MN1: variants seen among roughly 807,000 people sequenced by gnomAD.
MN1 encodes the protein transcriptional activator MN1.
Under a neutral mutation model 86.9 loss-of-function variants are expected in MN1, and 19 were observed. The ratio of observed to expected loss-of-function variants is 0.22; its 90% CI spans 0.15 to 0.32. The LOEUF is 0.32. Ranked by LOEUF, MN1 falls within the 10% of genes least tolerant of loss-of-function variation. The pLI, the probability that MN1 is intolerant of heterozygous loss-of-function variation, is 1.00. For synonymous variants in MN1, 928 were observed against 849.6 expected, an observed-to-expected ratio of 1.09 and a Z score of -1.60; for missense variants, 1,841 against 1,862.0, an observed-to-expected ratio of 0.99 and a Z score of 0.21.
At chr22:27,774,390 C>T (rs1243689202) in intron 1 of MN1, among the ~76,000 whole-genome samples, 1 of 152,162 alleles carries the variant, frequency 6.6e-6, no homozygotes, top group Non-Finnish European at 1.5e-5. Context: ...GCATTTCCTC[C>T]CCACCAGAGG....
At position 27,799,378 on chromosome 22, in the gene MN1, G is replaced by T; in HGVS notation, c.1166C>A (p.Pro389His). Residue 389 changes from proline to histidine, a missense_variant, in exon 1 of 2, where the codon CCC (proline) becomes CAC (histidine). Transcript: ENST00000302326. ...PRPQQGEAGTPSGGLQDGGPM... is the reference protein window; with the variant it reads ...PRPQQGEAGTHSGGLQDGGPM... ...GCCTCCGTCCTGCAGGCCGCCGCTG[G>T]GCGTGCCCGCCTCGCCCTGCTGGGG... The T allele has an allele frequency of 6.5e-7, 1 of 1,543,266 alleles. No individual in the cohort carries two copies.
At chr22:27,769,622 G>A (rs1037001286) in intron 1 of MN1, among the ~76,000 whole-genome samples, 2 of 138,146 alleles carry the variant, frequency 1.4e-5, no homozygotes, top group Non-Finnish European at 3.0e-5. Context: ...GCGCAATCTC[G>A]GCTCGCTGCA....
Position 27,799,251 on chromosome 22 carries a change from A to C in MN1, c.1293T>G (p.His431Gln), listed in dbSNP as rs762023186. Residue 431 changes from histidine (H) to glutamine (Q), a missense_variant, in exon 1 of 2, where the codon CAT becomes CAG. Transcript: ENST00000302326. ...GGTTGGGCGCCTGCTGCGGAGGAGG[A>C]TGCTGCATGCTGAAAACAGGCTCGG... Reference protein sequence around the residue: ...PYSEPVFSMQHPPPQQAPNQR... With the variant: ...PYSEPVFSMQQPPPQQAPNQR... 1.3e-6 allele frequency: 2 copies of C among 1,584,016 alleles called. No homozygotes were observed. Among genetic ancestry groups the C allele is most frequent in the Non-Finnish European group, 8.6e-7 (1 of 1,163,304 alleles).
At chr22:27,751,452 G>A (rs1601319834) in intron 1 of MN1, among the ~76,000 whole-genome samples, 2 of 152,254 alleles carry the variant, frequency 1.3e-5, no homozygotes, top group African/African-American at 4.8e-5. Context: ...TGGAGGAGGG[G>A]CATCTAAACT....
rs45589338 is a variant in MN1, at chr22:27,799,398, C to G, written c.1146G>C (p.Gln382His). The G allele has an allele frequency of 2.6e-6, 4 of 1,516,200 alleles. No homozygotes were observed. In the South Asian group the frequency reaches 5.1e-5, roughly 20 times the overall value. The allele number at this position is 1,516,200 out of a possible 1,614,324, so 93.9% of individuals were successfully genotyped here. A position where few individuals can be genotyped will look rare whatever the true frequency, so the allele number is the denominator to read the frequency against. Reference protein sequence around the residue: ...NSCPPALPRPQQGEAGTPSGG... With the variant: ...NSCPPALPRPHQGEAGTPSGG... ...CGCTGGGCGTGCCCGCCTCGCCCTG[C>G]TGGGGCCGAGGGAGCGCAGGCGGGC... The change falls in exon 1 of 2, where the codon CAG becomes CAC. Residue 382 changes from glutamine (Q) to histidine (H), a missense_variant. Transcript: ENST00000302326.
Position 27,799,465 on chromosome 22 carries a change from T to G in MN1, c.1079A>C (p.Gln360Pro), listed in dbSNP as rs1265754402. Residue 360 changes from glutamine (Q) to proline (P), a missense_variant, in exon 1 of 2, where the codon CAG becomes CCG. Physicochemically the swap from Gln to Pro is moderately conservative, Grantham distance 76. Transcript: ENST00000302326. Reference protein sequence around the residue: ...QQPPQQPPQQQPPPPPGLLVR... With the variant: ...QQPPQQPPQQPPPPPPGLLVR... ...TAGAAGCCCGGGTGGCGGCGGCGGC[T>G]GCTGCTGTGGCGGCTGCTGCGGGGG... The G allele has an allele frequency of 1.4e-6, 2 of 1,455,020 alleles. No individual in the cohort carries two copies. The highest frequency in any genetic ancestry group is 2.8e-5 in the Admixed American group (1 of 35,144). The allele number at this position is 1,455,020 out of a possible 1,614,324, so 90.1% of individuals were successfully genotyped here. A position where few individuals can be genotyped will look rare whatever the true frequency, so the allele number is the denominator to read the frequency against.
chr22:27,790,296 T>C (rs1933192863), intron 1 of MN1, among the ~76,000 whole-genome samples: 1 of 152,228 alleles, frequency 6.6e-6, no homozygotes, highest in African/African-American at 2.4e-5. Context: ...AAGCGCACAC[T>C]TGGCAGGGTA....
chr22:27,752,453 A>C (rs1932774266), intron 1 of MN1, among the ~76,000 whole-genome samples: 1 of 151,766 alleles, frequency 6.6e-6, no homozygotes, highest in African/African-American at 2.4e-5. Flanking sequence ...CCTTAGTGAA[A>C]CTCCCCTGAA....
intron 1 of MN1, among the ~76,000 whole-genome samples, chr22:27,762,740 C>T (rs1932842810): frequency 6.6e-6 from 1 of 151,926 alleles, no homozygotes. Flanking sequence ...ACTCCTAGCA[C>T]TCTGCCTGGC....
chr22:27,775,355 T>A (rs972699608), intron 1 of MN1, among the ~76,000 whole-genome samples: 3 of 152,120 alleles, frequency 2.0e-5, no homozygotes, highest in Non-Finnish European at 4.4e-5. Context: ...GGGTTCTTGG[T>A]ACGCAGGAAT....
At chr22:27,772,077 G>C (rs1249579079) in intron 1 of MN1, among the ~76,000 whole-genome samples, 1 of 152,196 alleles carries the variant, frequency 6.6e-6, no homozygotes, top group African/African-American at 2.4e-5. Flanking sequence ...GGACGAAAGG[G>C]GCTGTTATGT....
In MN1 at chr22:27,798,100, G is replaced by C; in HGVS notation, c.2444C>G (p.Ser815Cys). The stretch of plus-strand genomic sequence containing the variant: ...GCTCTGGCCGAACAGGTTGTCCTTG[G>C]AGCTGGGCTTGTTGAAGGAGCCCAG... The part of the protein sequence containing the change: ...LSLGSFNKPS[S>C]KDNLFGQSCL... The change falls in exon 1 of 2, where the codon TCC (serine) becomes TGC (cysteine). Residue 815 changes from serine to cysteine, a missense_variant. Physicochemically the swap from Ser to Cys is moderately radical, Grantham distance 112. Coordinates refer to ENST00000302326, the MANE Select transcript of MN1 (RefSeq NM_002430.3). 6.2e-7 allele frequency: 1 copy of C among 1,611,104 alleles called. No homozygotes were observed. Among genetic ancestry groups the C allele is most frequent in the Non-Finnish European group, 8.5e-7 (1 of 1,179,782 alleles).
At position 27,799,737 on chromosome 22, in the gene MN1, A is replaced by G. The variant is rs916947571; in HGVS notation, c.807T>C (p.Ala269=). Residue 269 remains alanine, a synonymous_variant, in exon 1 of 2, where the codon GCT becomes GCC. Coordinates refer to ENST00000302326, the MANE Select transcript of MN1 (RefSeq NM_002430.3). ...YAAGRQVPGG[A]FPGASAMPRA... is the part of the protein sequence containing the mutation. ...TGGGCATGGCCGAGGCGCCCGGGAA[A>G]GCGCCCCCAGGAACCTGGCGACCCG... The G allele has an allele frequency of 1.3e-5, 21 of 1,581,408 alleles. No individual in the cohort carries two copies. The highest frequency in any genetic ancestry group is 1.8e-5 in the Admixed American group (1 of 55,584).
chr22:27,797,799 G>C lies in MN1; in HGVS notation c.2745C>G (p.Gly915=), dbSNP rs1030263476. Residue 915 remains glycine, a synonymous_variant, in exon 1 of 2, where the codon GGC becomes GGG. Coordinates refer to ENST00000302326, the MANE Select transcript of MN1 (RefSeq NM_002430.3). ...GPPNPPAQGD[G]TSLSPNYTLE... ...GGGTGTAGTTGGGGGAGAGGCTGGT[G>C]CCGTCCCCCTGGGCTGGAGGGTTGG... 1 of 1,597,188 alleles carries C rather than the reference G, an allele frequency of 6.3e-7. No homozygotes were observed. The highest frequency in any genetic ancestry group is 1.3e-5 in the African/African-American group (1 of 74,828).
At chr22:27,769,850 G>A (rs1011119305) in intron 1 of MN1, among the ~76,000 whole-genome samples, 4 of 139,138 alleles carry the variant, frequency 2.9e-5, no homozygotes, top group African/African-American at 5.1e-5. Flanking sequence ...AACTGTGCCC[G>A]GCAAGGATGC....
intron 1 of MN1, among the ~76,000 whole-genome samples, chr22:27,765,115 A>G (rs1932859605): frequency 6.6e-6 from 1 of 152,140 alleles, no homozygotes; most frequent in African/African-American, 2.4e-5. Context: ...AACCTAAAAT[A>G]TTTGCTATAG....
In MN1 at chr22:27,796,813, G is replaced by A. The variant is rs1160944052; in HGVS notation, c.3731C>T (p.Thr1244Met). The A allele has an allele frequency of 8.1e-6, 13 of 1,610,178 alleles. No homozygotes were observed. The highest frequency in any genetic ancestry group is 3.4e-4 in the Middle Eastern group (2 of 5,834). Residue 1244 changes from threonine (T) to methionine (M), a missense_variant, in exon 1 of 2, where the codon ACG becomes ATG. Physicochemically the swap from Thr to Met is moderately conservative, Grantham distance 81 (BLOSUM62 -1). Coordinates refer to ENST00000302326, the MANE Select transcript of MN1 (RefSeq NM_002430.3). ...TTTGGCCTTCTCCCAGGGCGCCAAC[G>A]TCTTGTCGTCGTCCGCGCTGTCCAC... ...ALVDSADDDKTLAPWEKAKPQ... is the reference protein window; with the variant it reads ...ALVDSADDDKMLAPWEKAKPQ...
In MN1 at chr22:27,798,948, C is replaced by G; in HGVS notation, c.1596G>C (p.Gln532His). Residue 532 changes from glutamine (Q) to histidine (H), a missense_variant, in exon 1 of 2, where the codon CAG becomes CAC. Gln to His is a conservative substitution (Grantham distance 24). Transcript: ENST00000302326. ...GTTGCTGCTGCTGCTGCTGCTGTTGCTGCTGCTGCTGCTGCTGCTGCTGCT... is the reference window on the plus strand; with the variant it reads ...GTTGCTGCTGCTGCTGCTGCTGTTGGTGCTGCTGCTGCTGCTGCTGCTGCT... Reference protein sequence around the residue: ...LQQQQQQQQQQQQQQQQQQQQ... With the variant: ...LQQQQQQQQQHQQQQQQQQQQ... 8.7e-7 allele frequency: 1 copy of G among 1,149,942 alleles called. No homozygotes were observed. Among genetic ancestry groups the G allele is most frequent in the South Asian group, 1.6e-5 (1 of 63,968 alleles). The allele number at this position is 1,149,942 out of a possible 1,614,324, so 71.2% of individuals were successfully genotyped here.
intron 1 of MN1, among the ~76,000 whole-genome samples, chr22:27,766,245 T>C (rs1437838042): frequency 6.6e-6 from 1 of 152,160 alleles, no homozygotes; most frequent in African/African-American, 2.4e-5. Context: ...CACCTCAAAT[T>C]ATCCTGTGGA....
Sources: allele counts gnomAD v4.1 joint callset (sites outside exome capture counted in the v4.1 genomes callset), GRCh38; gene constraint gnomAD v4.1.1; transcripts MANE v1.5; gene names NCBI Gene and HGNC (gene_info 2026-07-23, HGNC 2026-07-21).